DTNBP1: variants seen among roughly 807,000 people sequenced by gnomAD.
The protein encoded by DTNBP1 is dystrobrevin binding protein 1, also known as dysbindin.
DTNBP1 carries 35 observed loss-of-function variants against 42.8 expected under a neutral mutation model. The observed-to-expected ratio is 0.82, with a 90% CI of 0.63 to 1.09. DTNBP1 has a LOEUF of 1.09. DTNBP1 is among the 50% of genes least tolerant of loss of function. The pLI, the probability that DTNBP1 is intolerant of heterozygous loss-of-function variation, is 0.00. For missense variants in DTNBP1, 457 were observed against 424.2 expected (o/e 1.08, Z -0.68); for synonymous variants, 171 against 162.2 (o/e 1.05, Z -0.41).
chr6:15,637,754 C>T lies in DTNBP1; in HGVS notation c.212G>A (p.Ser71Asn), dbSNP rs1331255252. 6.2e-7 allele frequency: 1 copy of T among 1,613,790 alleles called. No individual in the cohort carries two copies. The highest frequency in any genetic ancestry group is 8.5e-7 in the Non-Finnish European group (1 of 1,180,018). Reference sequence around the variant, plus strand: ...TAGTCAATTCTTTACCTCTCCAGCACTTGCACAGTCTTTGGCTCTTCTGTG... The same window carrying T: ...TAGTCAATTCTTTACCTCTCCAGCATTTGCACAGTCTTTGGCTCTTCTGTG... ...ALHRRAKDCA[S>N]AGELVDSEVV... Residue 71 changes from serine to asparagine, a missense_variant, in exon 4 of 10, where the codon AGT becomes AAT. By Grantham distance (46) the Ser-to-Asn change is conservative. Transcript: ENST00000344537.
chr6:15,530,729 T>C (rs533562858), intron 8 of DTNBP1, among the ~76,000 whole-genome samples: 6 of 152,288 alleles, frequency 3.9e-5, no homozygotes, highest in African/African-American at 1.2e-4. Flanking sequence ...TTCATTTCTC[T>C]GTGCTTCCTC....
chr6:15,659,504 G>C (rs1324040656), intron 1 of DTNBP1, among the ~76,000 whole-genome samples: 1 of 152,060 alleles, frequency 6.6e-6, no homozygotes, highest in Non-Finnish European at 1.5e-5. Context: ...TGGGTGGCCA[G>C]GGCCATGTTT....
chr6:15,524,322 T>C, intron 9 of DTNBP1: 2 of 1,611,340 alleles, frequency 1.2e-6, no homozygotes, highest in Admixed American at 1.7e-5. Context: ...TGTCAAATCT[T>C]TGAGAAGAAT....
At chr6:15,585,817 C>T in intron 7 of DTNBP1, 1 of 1,506,960 alleles carries the variant, frequency 6.6e-7, no homozygotes, top group South Asian at 1.3e-5. Context: ...GTGAAGCCTC[C>T]AGTTACCAGG....
intron 8 of DTNBP1, among the ~76,000 whole-genome samples, chr6:15,532,092 G>A (rs925266782): frequency 2.0e-5 from 3 of 152,166 alleles, no homozygotes; most frequent in African/African-American, 7.2e-5. Context: ...TGGGGGGTGA[G>A]GGAGGTGTCC....
intron 9 of DTNBP1, chr6:15,524,174 C>T (rs545853290): frequency 6.2e-6 from 9 of 1,447,838 alleles, no homozygotes; most frequent in East Asian, 3.0e-5. Context: ...TTCCCGTGAG[C>T]CCCGCAGGAG....
At chr6:15,592,966 T>G in intron 7 of DTNBP1, 93 bp downstream of exon 7, 1 of 1,287,646 alleles carries the variant, frequency 7.8e-7, no homozygotes. Context: ...GTAAACTGAT[T>G]TTAAAAAATG....
intron 6 of DTNBP1, among the ~76,000 whole-genome samples, chr6:15,612,042 G>A (rs752397797): frequency 2.6e-5 from 4 of 152,166 alleles, no homozygotes; most frequent in South Asian, 2.1e-4. Context: ...AAACAGCAAC[G>A]CATGCTGCAG....
At chr6:15,593,454 T>C (rs1776380544) in intron 6 of DTNBP1, among the ~76,000 whole-genome samples, 1 of 152,250 alleles carries the variant, frequency 6.6e-6, no homozygotes, top group African/African-American at 2.4e-5. Flanking sequence ...TTTTCCTTGA[T>C]GGATAAATAT....
Position 15,523,245 on chromosome 6 carries a change from AG to A in DTNBP1, c.812-27del, listed in dbSNP as rs748663845. The A allele has an allele frequency of 6.2e-6, 10 of 1,613,440 alleles. No homozygotes were observed. In the South Asian group the frequency reaches 1.1e-4, roughly 18 times the overall value. On this transcript the variant is annotated intron_variant, in intron 9 of 9. Transcript: ENST00000344537. ...CTGCAAAATAACGTAGGGAAGAAAA[AG>A]CCCTGTCATAAAAATATTGTGAATC...
chr6:15,639,358 C>T (rs966309938), intron 3 of DTNBP1, among the ~76,000 whole-genome samples: 2 of 152,190 alleles, frequency 1.3e-5, no homozygotes, highest in African/African-American at 4.8e-5. Context: ...CATTTGATTG[C>T]TGATGTAAAA....
intron 3 of DTNBP1, among the ~76,000 whole-genome samples, chr6:15,647,415 G>T (rs1760752841): frequency 6.6e-6 from 1 of 151,742 alleles, no homozygotes; most frequent in Non-Finnish European, 1.5e-5. Context: ...GAACCAATAA[G>T]AAATTCTGGA....
At chr6:15,638,580 G>C (rs961036669) in intron 3 of DTNBP1, among the ~76,000 whole-genome samples, 1 of 152,106 alleles carries the variant, frequency 6.6e-6, no homozygotes, top group Non-Finnish European at 1.5e-5. Flanking sequence ...TCTGCCCATT[G>C]GATAATCATT....
At chr6:15,633,714 C>T (rs1387017307) in intron 4 of DTNBP1, among the ~76,000 whole-genome samples, 28 of 152,174 alleles carry the variant, frequency 1.8e-4, no homozygotes, top group East Asian at 5.8e-4. Context: ...CAAACTTCAT[C>T]GCTGTCTTAT....
At chr6:15,643,680 G>T (rs1332505058) in intron 3 of DTNBP1, among the ~76,000 whole-genome samples, 1 of 152,038 alleles carries the variant, frequency 6.6e-6, no homozygotes, top group African/African-American at 2.4e-5. Context: ...TTTATATCCT[G>T]TTCATCTAAG....
Position 15,631,901 on chromosome 6 carries a change from A to G in DTNBP1, c.223-4426T>C, listed in dbSNP as rs73724451. Reference sequence around the variant, plus strand: ...CCAAGTTCTAGTTGTTTATCATCACATTTCTTCCGAGGAAAGAAACAAAAC... The same window carrying G: ...CCAAGTTCTAGTTGTTTATCATCACGTTTCTTCCGAGGAAAGAAACAAAAC... On this transcript the variant is annotated intron_variant, in intron 4 of 9. Transcript: ENST00000344537. Among the ~76,000 whole-genome samples, 1,096 of 152,310 alleles carry G rather than the reference A, an allele frequency of 7.2e-3. 19 individuals carry two copies. The highest frequency in any genetic ancestry group is 0.025 in the African/African-American group (1,042 of 41,560).
chr6:15,573,579 C>G (rs1399841446), intron 7 of DTNBP1, among the ~76,000 whole-genome samples: 2 of 152,004 alleles, frequency 1.3e-5, no homozygotes, highest in African/African-American at 4.8e-5. Flanking sequence ...CTCTGGGAGG[C>G]TGAAGCAAGT....
At chr6:15,576,508 G>A (rs1775579660) in intron 7 of DTNBP1, among the ~76,000 whole-genome samples, 1 of 151,634 alleles carries the variant, frequency 6.6e-6, no homozygotes, top group African/African-American at 2.4e-5. Flanking sequence ...GGTAGCAGTG[G>A]CTCATGCCTA....
In DTNBP1 at chr6:15,587,243, G is replaced by A. The variant is rs1479539961; in HGVS notation, c.511+5816C>T. Among the ~76,000 whole-genome samples the A allele has an allele frequency of 2.6e-5, 4 of 152,130 alleles. No homozygotes were observed. The highest frequency in any genetic ancestry group is 5.9e-5 in the Non-Finnish European group (4 of 68,004). The stretch of plus-strand genomic sequence containing the variant: ...AACAACAAAACTGCTTAGAAAAACT[G>A]AAGATGGCTTAAACAAACATGGATA... On this transcript the variant is annotated intron_variant, in intron 7 of 9. Coordinates refer to ENST00000344537, the MANE Select transcript of DTNBP1 (RefSeq NM_032122.5). This position sits in a 1 kb window ranked among gnomAD's most constrained non-coding sequence, Gnocchi z 4.1.
Sources: gnomAD v4.1 joint callset for allele counts (sites outside exome capture counted in the v4.1 genomes callset) on GRCh38, gnomAD v4.1.1 for gene constraint, Gnocchi (gnomAD v3.1) non-coding constraint, MANE v1.5 for transcripts, NCBI Gene and HGNC (gene_info 2026-07-23, HGNC 2026-07-21) for gene names.